The following CCDC146 variants were observed in gnomAD, a reference collection of about 807,000 sequenced individuals.
The protein encoded by CCDC146 is coiled-coil domain-containing protein 146.
Under a neutral mutation model 119.3 loss-of-function variants are expected in CCDC146, and 92 were observed. The observed-to-expected ratio is 0.77, with a 90% CI of 0.65 to 0.92. The LOEUF is 0.92. CCDC146 is among the 40% of genes least tolerant of loss of function. The pLI is 0.00. For synonymous variants in CCDC146, 372 were observed against 371.8 expected (o/e 1.00, Z -0.01); for missense variants, 1,000 against 1,103.0 (o/e 0.91, Z 1.32).
intron 2 of CCDC146, among the ~76,000 whole-genome samples, chr7:77,234,412 G>A (rs1792694796): frequency 1.3e-5 from 2 of 152,062 alleles, no homozygotes; most frequent in Non-Finnish European, 1.5e-5. Context: ...ACATTAAGTC[G>A]ACTTACCAAC....
rs575591989 is a variant in CCDC146 at position 77,212,260 on chromosome 7, G to T, written c.157-24687G>T. On this transcript the variant is annotated intron_variant, in intron 2 of 18. Transcript: ENST00000285871. ...AATAATAAGTTCAATACATATTGAA[G>T]AAAAATATATAGCTTTCCTATTATA... Among the ~76,000 whole-genome samples the T allele has an allele frequency of 5.3e-5, 8 of 152,108 alleles. No individual in the cohort carries two copies. The East Asian group carries it at 9.7e-4, about 18-fold the overall frequency.
intron 4 of CCDC146, among the ~76,000 whole-genome samples, chr7:77,253,190 A>G (rs1793110386): frequency 1.3e-5 from 2 of 152,200 alleles, no homozygotes; most frequent in South Asian, 4.1e-4. Flanking sequence ...ACCCATACCT[A>G]ATAACCACTT....
At chr7:77,215,582 T>C (rs1441152241) in intron 2 of CCDC146, among the ~76,000 whole-genome samples, 1 of 152,162 alleles carries the variant, frequency 6.6e-6, no homozygotes, top group African/African-American at 2.4e-5. Flanking sequence ...AGATTATGTA[T>C]ATATAAAATA....
intron 1 of CCDC146, among the ~76,000 whole-genome samples, chr7:77,144,383 C>G (rs1320158333): frequency 6.6e-6 from 1 of 151,760 alleles, no homozygotes; most frequent in Non-Finnish European, 1.5e-5. Flanking sequence ...TTGACTTCCT[C>G]TTTTCCTAAT....
At chr7:77,126,213 C>G (rs3114367) in intron 1 of CCDC146, among the ~76,000 whole-genome samples, 1 of 151,964 alleles carries the variant, frequency 6.6e-6, no homozygotes. Context: ...TGAAGATGAT[C>G]ATATTGTTTT....
chr7:77,127,691 A>G (rs934686438), intron 1 of CCDC146, among the ~76,000 whole-genome samples: 1 of 152,082 alleles, frequency 6.6e-6, no homozygotes, highest in Non-Finnish European at 1.5e-5. Context: ...TCAGAAGTCA[A>G]TACGCTTTCT....
chr7:77,183,103 G>A (rs750961615), intron 2 of CCDC146, among the ~76,000 whole-genome samples: 3 of 152,024 alleles, frequency 2.0e-5, no homozygotes, highest in Admixed American at 6.6e-5. Flanking sequence ...CATATCAAGC[G>A]GCAAAACTTC....
intron 2 of CCDC146, among the ~76,000 whole-genome samples, chr7:77,229,943 A>AT (rs1180009659): frequency 2.0e-5 from 3 of 152,186 alleles, no homozygotes; most frequent in African/African-American, 7.2e-5. Flanking sequence ...ATTAAAAGTC[A>AT]TTCCCCTCAC....
At chr7:77,208,815 C>T (rs1003675115) in intron 2 of CCDC146, among the ~76,000 whole-genome samples, 1 of 152,218 alleles carries the variant, frequency 6.6e-6, no homozygotes, top group African/African-American at 2.4e-5. Context: ...TCCAACAATC[C>T]TCCCACCTCA....
At chr7:77,134,539 C>CTCTGTGTGTGTGTGTGTGTGTG (rs1405139513) in intron 1 of CCDC146, among the ~76,000 whole-genome samples, 3 of 121,786 alleles carry the variant, frequency 2.5e-5, no homozygotes, top group Non-Finnish European at 3.5e-5. Context: ...GCTAAGGCCA[C>CTCTGTGTGTGTGTGTGTGTGTG]TCTGTGTGTG....
At chr7:77,244,649 A>T (rs530738945) in intron 4 of CCDC146, among the ~76,000 whole-genome samples, 1 of 152,328 alleles carries the variant, frequency 6.6e-6, no homozygotes, top group East Asian at 1.9e-4. Flanking sequence ...GTAGTAGGCT[A>T]CACCACATAG....
chr7:77,250,725 A>G (rs1793040457), intron 4 of CCDC146, among the ~76,000 whole-genome samples: 2 of 151,654 alleles, frequency 1.3e-5, no homozygotes, highest in Non-Finnish European at 2.9e-5. Flanking sequence ...TGCTTCAGGA[A>G]TTTCTCGTGT....
At chr7:77,259,617 G>C (rs1793249604) in intron 7 of CCDC146, among the ~76,000 whole-genome samples, 1 of 152,142 alleles carries the variant, frequency 6.6e-6, no homozygotes, top group African/African-American at 2.4e-5. Context: ...CTAATCTTAA[G>C]GGGAAAAATT....
At chr7:77,130,620 A>G (rs1790768891) in intron 1 of CCDC146, among the ~76,000 whole-genome samples, 1 of 133,036 alleles carries the variant, frequency 7.5e-6, no homozygotes. Flanking sequence ...TTTTTTTGAG[A>G]CGGAGTTTCG....
chr7:77,192,950 AAAAAG>A (rs1432438744), intron 2 of CCDC146, among the ~76,000 whole-genome samples: 2 of 152,184 alleles, frequency 1.3e-5, no homozygotes, highest in South Asian at 2.1e-4. Flanking sequence ...AATAATAAAA[AAAAAG>A]AAAAGAAGGC....
At chr7:77,242,370 G>T in intron 4 of CCDC146, 1 of 989,634 alleles carries the variant, frequency 1.0e-6, no homozygotes, top group Non-Finnish European at 1.2e-6. Context: ...GCAGCAACAG[G>T]ACCACATATG....
At chr7:77,126,662 G>A (rs1442212692) in intron 1 of CCDC146, among the ~76,000 whole-genome samples, 3 of 151,994 alleles carry the variant, frequency 2.0e-5, no homozygotes, top group East Asian at 1.9e-4. Context: ...TGAAGCTCTC[G>A]GCAGAGACGG....
chr7:77,289,303 T>A (rs1481008979), intron 17 of CCDC146, among the ~76,000 whole-genome samples: 1 of 152,180 alleles, frequency 6.6e-6, no homozygotes, highest in African/African-American at 2.4e-5. Flanking sequence ...GCTAAAGAAA[T>A]GTACATAGCG....
chr7:77,167,880 A>C, intron 2 of CCDC146, 56 bp downstream of exon 2: 1 of 1,575,956 alleles, frequency 6.3e-7, no homozygotes, highest in Non-Finnish European at 8.6e-7. Context: ...TGTACTTAAA[A>C]ATTCAAATGA....
Sources: gnomAD v4.1 joint callset for allele counts (sites outside exome capture counted in the v4.1 genomes callset) on GRCh38, gnomAD v4.1.1 for gene constraint, MANE v1.5 for transcripts, NCBI Gene and HGNC (gene_info 2026-07-23, HGNC 2026-07-21) for gene names.